The following GAREM1 variants were observed in gnomAD, a reference collection of about 807,000 sequenced individuals.
GAREM1 encodes the protein GRB2-associated and regulator of MAPK protein 1.
In GAREM1, 26 loss-of-function variants were observed where a neutral mutation model predicts 71.3. The ratio of observed to expected loss-of-function variants is 0.36; its 90% CI spans 0.27 to 0.51. GAREM1 has a LOEUF of 0.51. Among genes scored for constraint, GAREM1 ranks in the 20% least tolerant of loss-of-function variants. The pLI is 0.95. For synonymous variants in GAREM1, 440 were observed against 433.2 expected, an observed-to-expected ratio of 1.02 and a Z score of -0.20; for missense variants, 1,026 against 1,103.1, an observed-to-expected ratio of 0.93 and a Z score of 0.99.
At chr18:32,330,003 T>A (rs193113181) in intron 2 of GAREM1, among the ~76,000 whole-genome samples, 1 of 150,210 alleles carries the variant, frequency 6.7e-6, no homozygotes, top group African/African-American at 2.5e-5. Flanking sequence ...ACAACAAAAA[T>A]AGATTTTTGA....
intron 2 of GAREM1, among the ~76,000 whole-genome samples, chr18:32,391,683 G>A (rs969794381): frequency 1.3e-5 from 2 of 152,092 alleles, no homozygotes; most frequent in Non-Finnish European, 2.9e-5. Context: ...CTCTGCCCCT[G>A]TGAAAACTGC....
At chr18:32,307,293 C>A (rs576559310) in intron 3 of GAREM1, among the ~76,000 whole-genome samples, 1 of 151,928 alleles carries the variant, frequency 6.6e-6, no homozygotes, top group South Asian at 2.1e-4. Flanking sequence ...AGTGGTTTAT[C>A]CTTTTGGTTT....
chr18:32,278,168 A>G, intron 4 of GAREM1, among the ~76,000 whole-genome samples: 1 of 152,206 alleles, frequency 6.6e-6, no homozygotes, highest in East Asian at 1.9e-4. Context: ...TGGTCTTAGC[A>G]GTTTTCAGAT....
In GAREM1 at chr18:32,308,812, T is replaced by A. The variant is rs981350616; in HGVS notation, c.393+1381A>T. On this transcript the variant is annotated intron_variant, in intron 3 of 5. Coordinates refer to ENST00000269209, the MANE Select transcript of GAREM1 (RefSeq NM_001242409.2). ...TATAAAATATCACTCATCTTAATAA[T>A]AAAACTAAAGAGCGTAGACCAAAGC... is the stretch of plus-strand genomic sequence containing the variant. Among the ~76,000 whole-genome samples, 8 of 150,404 alleles carry A rather than the reference T, an allele frequency of 5.3e-5. 1 individual carries two copies. Among genetic ancestry groups the A allele is most frequent in the Non-Finnish European group, 7.4e-5 (5 of 67,578 alleles).
intron 2 of GAREM1, among the ~76,000 whole-genome samples, chr18:32,385,202 T>G (rs1297862859): frequency 1.3e-5 from 2 of 152,038 alleles, no homozygotes; most frequent in Non-Finnish European, 2.9e-5. Flanking sequence ...TAAATAAAAT[T>G]TTTATATTTA....
intron 2 of GAREM1, among the ~76,000 whole-genome samples, chr18:32,311,781 A>G (rs188712420): frequency 2.6e-5 from 4 of 152,334 alleles, no homozygotes; most frequent in Non-Finnish European, 5.9e-5. Context: ...GTCAGACTGT[A>G]TATGCCTTTT....
At chr18:32,429,763 C>CT (rs1383243779) in intron 1 of GAREM1, among the ~76,000 whole-genome samples, 1 of 152,186 alleles carries the variant, frequency 6.6e-6, no homozygotes, top group East Asian at 1.9e-4. Context: ...TAAAGGTGAA[C>CT]TTTAATTCTA....
At chr18:32,305,145 A>G (rs1017109543) in intron 3 of GAREM1, among the ~76,000 whole-genome samples, 17 of 152,200 alleles carry the variant, frequency 1.1e-4, no homozygotes, top group Non-Finnish European at 1.8e-4. Flanking sequence ...AGAAAAAAAA[A>G]GTGAAAGAGA....
intron 1 of GAREM1, among the ~76,000 whole-genome samples, chr18:32,465,330 G>A (rs962184069): frequency 2.0e-5 from 3 of 152,190 alleles, no homozygotes; most frequent in Admixed American, 1.3e-4. Context: ...ACATGGATCC[G>A]AGAAAGACCT....
intron 1 of GAREM1, among the ~76,000 whole-genome samples, chr18:32,438,409 C>T (rs996410486): frequency 7.9e-5 from 12 of 152,186 alleles, no homozygotes; most frequent in South Asian, 2.1e-4. Context: ...TGACAGCTAG[C>T]GCTCCTCCAC....
chr18:32,460,618 G>C (rs925666430), intron 1 of GAREM1, among the ~76,000 whole-genome samples: 1 of 152,156 alleles, frequency 6.6e-6, no homozygotes, highest in East Asian at 1.9e-4. Flanking sequence ...TCAAACTTGG[G>C]GCTATTCTAG....
chr18:32,317,194 C>T (rs878881807), intron 2 of GAREM1, among the ~76,000 whole-genome samples: 1 of 152,016 alleles, frequency 6.6e-6, no homozygotes, highest in Admixed American at 6.6e-5. Context: ...CACTGAAGGC[C>T]AGGAGTTTAA....
At chr18:32,344,781 G>A (rs189426525) in intron 2 of GAREM1, among the ~76,000 whole-genome samples, 3 of 152,290 alleles carry the variant, frequency 2.0e-5, no homozygotes, top group Non-Finnish European at 4.4e-5. Flanking sequence ...CAGTCTGTAG[G>A]CCGGGCACGG....
At chr18:32,313,454 T>C (rs991754034) in intron 2 of GAREM1, among the ~76,000 whole-genome samples, 8 of 152,124 alleles carry the variant, frequency 5.3e-5, no homozygotes, top group Non-Finnish European at 1.2e-4. Flanking sequence ...AGGGACCATG[T>C]CTGCTAAAGG....
At chr18:32,388,947 C>A (rs922395207) in intron 2 of GAREM1, among the ~76,000 whole-genome samples, 1 of 152,046 alleles carries the variant, frequency 6.6e-6, no homozygotes, top group African/African-American at 2.4e-5. Flanking sequence ...AAGAGGATAT[C>A]CTTGTTCTTA....
chr18:32,468,170 A>C (rs1314360146), intron 1 of GAREM1, among the ~76,000 whole-genome samples: 1 of 152,246 alleles, frequency 6.6e-6, no homozygotes, highest in Non-Finnish European at 1.5e-5. Context: ...TGTTCAGCAA[A>C]GTAGAAATAC....
Position 32,267,811 on chromosome 18 carries a change from C to T in GAREM1, c.*60G>A, listed in dbSNP as rs1298233858. 25 of 1,375,734 alleles carry T rather than the reference C, an allele frequency of 1.8e-5. No individual in the cohort carries two copies. In the East Asian group the frequency reaches 4.8e-4, roughly 27 times the overall value. 85.2% of individuals were successfully genotyped at this position (1,375,734 alleles called of 1,614,324 possible). A position where few individuals can be genotyped will look rare whatever the true frequency, so the allele number is the denominator to read the frequency against. On this transcript the variant is annotated 3_prime_UTR_variant, in exon 6 of 6. Coordinates refer to ENST00000269209, the MANE Select transcript of GAREM1 (RefSeq NM_001242409.2). ...CAAAAACATGAAATTGTGTCCCAGC[C>T]CACCCCTTCTAGCACACGCATTGAT...
At chr18:32,276,300 T>C (rs751267479) in intron 4 of GAREM1, among the ~76,000 whole-genome samples, 1 of 152,182 alleles carries the variant, frequency 6.6e-6, no homozygotes, top group African/African-American at 2.4e-5. Context: ...ACTTCCACCA[T>C]CCCTGAAAGT....
At chr18:32,276,803 G>C (rs1179897292) in intron 4 of GAREM1, among the ~76,000 whole-genome samples, 1 of 152,114 alleles carries the variant, frequency 6.6e-6, no homozygotes, top group Non-Finnish European at 1.5e-5. Context: ...GTGTTCTAAT[G>C]ATAGATAGAA....
Sources: gnomAD v4.1 joint callset for allele counts (sites outside exome capture counted in the v4.1 genomes callset) on GRCh38, gnomAD v4.1.1 for gene constraint, MANE v1.5 for transcripts, NCBI Gene and HGNC (gene_info 2026-07-23, HGNC 2026-07-21) for gene names.